Variants in PPDPFL observed in about 807,000 individuals in gnomAD.
PPDPFL encodes pancreatic progenitor cell differentiation and proliferation factor-like protein.
PPDPFL carries 12 observed loss-of-function variants against 12.6 expected under a neutral mutation model. The ratio of observed to expected loss-of-function variants is 0.95; its 90% CI spans 0.61 to 1.54. The LOEUF (loss-of-function observed/expected upper bound fraction) is 1.54. Ranked by LOEUF, PPDPFL falls within the 40% of genes most tolerant of loss-of-function variation. The pLI is 0.00. For missense variants in PPDPFL, 114 were observed against 96.0 expected, an observed-to-expected ratio of 1.19 and a Z score of -0.78; for synonymous variants, 24 against 32.7, an observed-to-expected ratio of 0.73 and a Z score of 0.91.
At chr8:49,059,541 A>G (rs1808163352) in intron 1 of PPDPFL, among the ~76,000 whole-genome samples, 1 of 152,180 alleles carries the variant, frequency 6.6e-6, no homozygotes, top group Non-Finnish European at 1.5e-5. Flanking sequence ...TTTGGCAAAT[A>G]TTTTAGCAAT....
intron 1 of PPDPFL, among the ~76,000 whole-genome samples, chr8:49,058,573 T>C (rs1744289077): frequency 6.6e-6 from 1 of 152,246 alleles, no homozygotes; most frequent in South Asian, 2.1e-4. Flanking sequence ...TTCTGAATGC[T>C]AATATGACAA....
At position 49,059,253 on chromosome 8, in the gene PPDPFL, TG is replaced by T. The variant is rs1417049577; in HGVS notation, c.-45+4887del. Among the ~76,000 whole-genome samples the T allele has an allele frequency of 3.3e-5, 5 of 152,158 alleles. No individual in the cohort carries two copies. The East Asian group carries it at 9.6e-4, about 29-fold the overall frequency. On this transcript the variant is annotated intron_variant, in intron 1 of 4. Transcript: ENST00000517663. ...GTTGTGGTGTGGTGTGGTGTGGGGT[TG>T]GGTGTGGAGGGTAGCATGTAACAGA...
At chr8:49,059,118 A>G (rs1563297412) in intron 1 of PPDPFL, among the ~76,000 whole-genome samples, 1 of 152,204 alleles carries the variant, frequency 6.6e-6, no homozygotes, top group Non-Finnish European at 1.5e-5. Flanking sequence ...TGCAGACAAC[A>G]GGGGCTTTAT....
intron 1 of PPDPFL, among the ~76,000 whole-genome samples, chr8:49,058,321 T>C (rs1808143453): frequency 6.6e-6 from 1 of 152,202 alleles, no homozygotes; most frequent in Non-Finnish European, 1.5e-5. Flanking sequence ...AATATGCAGT[T>C]CTGGGATTTG....
chr8:49,058,878 T>A (rs1391613634), intron 1 of PPDPFL, among the ~76,000 whole-genome samples: 1 of 152,202 alleles, frequency 6.6e-6, no homozygotes, highest in Admixed American at 6.5e-5. Context: ...ATGCAAAGGT[T>A]CTTCTTTCTG....
chr8:49,067,579 C>T (rs1337114208), upstream of PPDPFL, among the ~76,000 whole-genome samples: 2 of 152,170 alleles, frequency 1.3e-5, no homozygotes, highest in Non-Finnish European at 2.9e-5. Context: ...AGTCATTGTT[C>T]TTGCCATGGA....
At chr8:49,055,286 T>C (rs181208561) in intron 1 of PPDPFL, among the ~76,000 whole-genome samples, 12 of 152,164 alleles carry the variant, frequency 7.9e-5, no homozygotes, top group Non-Finnish European at 1.6e-4. Context: ...GCTTCCCTAC[T>C]GTACATCAAA....
upstream of PPDPFL, among the ~76,000 whole-genome samples, chr8:49,071,611 G>A (rs1212228186): frequency 1.3e-5 from 2 of 151,728 alleles, no homozygotes; most frequent in African/African-American, 4.8e-5. Flanking sequence ...AGCCCAAATC[G>A]CGCCACTGCA....
intron 1 of PPDPFL, among the ~76,000 whole-genome samples, chr8:49,062,261 C>T (rs1426352154): frequency 6.6e-6 from 1 of 152,134 alleles, no homozygotes; most frequent in Non-Finnish European, 1.5e-5. Flanking sequence ...GTGATTTTTC[C>T]ACCATATAGC....
chr8:49,055,936 C>G (rs987537181), intron 1 of PPDPFL, among the ~76,000 whole-genome samples: 8 of 152,076 alleles, frequency 5.3e-5, no homozygotes, highest in African/African-American at 1.7e-4. Context: ...TACATGTGTT[C>G]AATCTTTTGT....
chr8:49,075,044 G>A (rs1563302482), intron 4 of PPDPFL, 108 bp from the exon 5 acceptor site: 10 of 1,489,318 alleles, frequency 6.7e-6, no homozygotes, highest in South Asian at 6.0e-5. Flanking sequence ...ATTGATTGTT[G>A]GAAAGATGTT....
intron 2 of PPDPFL, 26 bp downstream of exon 2, chr8:49,072,911 C>A: frequency 6.3e-7 from 1 of 1,574,978 alleles, no homozygotes; most frequent in South Asian, 1.1e-5. Flanking sequence ...ATAGAGACGT[C>A]CCTAGATAAT....
intron 1 of PPDPFL, among the ~76,000 whole-genome samples, chr8:49,058,890 C>A (rs1032704667): frequency 2.0e-5 from 3 of 152,184 alleles, no homozygotes. Flanking sequence ...TTCTTTCTGG[C>A]TGCCTGTTAA....
chr8:49,058,423 C>T lies in PPDPFL; in HGVS notation c.-45+4054C>T, dbSNP rs139926596. Among the ~76,000 whole-genome samples, 358 of 152,184 alleles carry T rather than the reference C, an allele frequency of 2.4e-3. 1 individual carries two copies. Among genetic ancestry groups the T allele is most frequent in the African/African-American group, 7.8e-3 (325 of 41,522 alleles). On this transcript the variant is annotated intron_variant, in intron 1 of 4. Transcript: ENST00000517663. ...ATGAAGACAGTGAAAGAATACCAAG[C>T]GGGAAACTGAATCAATGCATGTGCC... is the stretch of plus-strand genomic sequence containing the variant.
In PPDPFL at chr8:49,072,813, T is replaced by C. The variant is rs1286187385; in HGVS notation, c.-18T>C. 6.3e-7 allele frequency: 1 copy of C among 1,592,846 alleles called. No homozygotes were observed. Among genetic ancestry groups the C allele is most frequent in the Non-Finnish European group, 8.5e-7 (1 of 1,172,622 alleles). ...TTAATGCTCACAGCTTCTTGGGTGC[T>C]TTCTCACGGGTAAAGCCATGGCATC... On this transcript the variant is annotated 5_prime_UTR_variant, in exon 2 of 5. Transcript: ENST00000522267.
Position 49,058,923 on chromosome 8 carries a change from A to T in PPDPFL, c.-45+4554A>T, listed in dbSNP as rs200932503. Reference sequence around the variant, plus strand: ...TAATAAAATTATCTCCACCAATTGGACTATAAATATCCTAATGGCAGGGAT... The same window carrying T: ...TAATAAAATTATCTCCACCAATTGGTCTATAAATATCCTAATGGCAGGGAT... On this transcript the variant is annotated intron_variant, in intron 1 of 4. Transcript: ENST00000517663. 2.3e-4 allele frequency among the ~76,000 whole-genome samples: 35 copies of T among 152,296 alleles called. No individual in the cohort carries two copies. In the East Asian group the frequency reaches 3.9e-3, roughly 17 times the overall value.
intron 1 of PPDPFL, among the ~76,000 whole-genome samples, chr8:49,055,485 G>A (rs186234111): frequency 6.6e-6 from 1 of 152,240 alleles, no homozygotes; most frequent in African/African-American, 2.4e-5. Flanking sequence ...TCAGCCTTTT[G>A]TGTTCTTTGC....
At chr8:49,057,620 C>T (rs1808132108) in intron 1 of PPDPFL, among the ~76,000 whole-genome samples, 1 of 152,084 alleles carries the variant, frequency 6.6e-6, no homozygotes, top group South Asian at 2.1e-4. Context: ...TCACTACACT[C>T]ACCAAAAGGC....
At chr8:49,065,836 A>G (rs975749163) in intron 1 of PPDPFL, among the ~76,000 whole-genome samples, 1 of 152,180 alleles carries the variant, frequency 6.6e-6, no homozygotes. Context: ...TTTTGGGGGA[A>G]CCTAACACTC....
Sources: allele counts gnomAD v4.1 joint callset (sites outside exome capture counted in the v4.1 genomes callset), GRCh38; gene constraint gnomAD v4.1.1; transcripts MANE v1.5; gene names NCBI Gene and HGNC (gene_info 2026-07-23, HGNC 2026-07-21).